Variants in TSHZ1 observed in about 807,000 individuals in gnomAD.
The protein encoded by TSHZ1 is teashirt homolog 1.
A neutral mutation model predicts 67.1 loss-of-function variants in TSHZ1; 12 were observed. The ratio of observed to expected loss-of-function variants is 0.18; its 90% CI spans 0.11 to 0.29. TSHZ1 has a LOEUF of 0.29. Ranked by LOEUF, TSHZ1 falls within the 10% of genes least tolerant of loss-of-function variation. TSHZ1 has a pLI of 1.00. For synonymous variants in TSHZ1, 632 were observed against 622.4 expected, an observed-to-expected ratio of 1.02 and a Z score of -0.23; for missense variants, 1,305 against 1,413.9, an observed-to-expected ratio of 0.92 and a Z score of 1.23.
chr18:75,229,840 A>G (rs2022974764), intron 1 of TSHZ1, among the ~76,000 whole-genome samples: 1 of 152,254 alleles, frequency 6.6e-6, no homozygotes, highest in African/African-American at 2.4e-5. Flanking sequence ...TGTAACAAGA[A>G]AAGGGGGCAA....
Position 75,251,493 on chromosome 18 carries a change from G to T in TSHZ1, c.41-33955G>T, listed in dbSNP as rs1429384945. ...ACATTTTCATTATTCTTTCTTTAGG[G>T]TTTTTTTTTTTTTTTGACATTGCTT... On this transcript the variant is annotated intron_variant, in intron 1 of 1. Transcript: ENST00000580243. Among the ~76,000 whole-genome samples, 6 of 139,430 alleles carry T rather than the reference G, an allele frequency of 4.3e-5. No homozygotes were observed. In the East Asian group the frequency reaches 6.2e-4, roughly 14 times the overall value. The allele number at this position is 139,430 out of a possible 152,430, so 91.5% of individuals were successfully genotyped here. A position where few individuals can be genotyped will look rare whatever the true frequency, so the allele number is the denominator to read the frequency against.
At chr18:75,254,874 C>T (rs1449221950) in intron 1 of TSHZ1, among the ~76,000 whole-genome samples, 1 of 152,076 alleles carries the variant, frequency 6.6e-6, no homozygotes, top group African/African-American at 2.4e-5. Context: ...TAGATTTTTC[C>T]AGTGCTTAAA....
chr18:75,288,804 G>A lies in TSHZ1; in HGVS notation c.*163G>A, dbSNP rs773392129. ...TTGTATATTTATATGCTCTCTGTCC[G>A]ATCTGTGCATGTTATTTTTCTTTTT... On this transcript the variant is annotated 3_prime_UTR_variant, in exon 2 of 2. Coordinates refer to ENST00000580243, the MANE Select transcript of TSHZ1 (RefSeq NM_001308210.2). This position sits in a 1 kb window ranked among gnomAD's most constrained non-coding sequence, Gnocchi z 4.9. The A allele has an allele frequency of 3.6e-5, 42 of 1,174,712 alleles. No homozygotes were observed. Among genetic ancestry groups the A allele is most frequent in the Admixed American group, 1.4e-4 (4 of 29,566 alleles). The allele number at this position is 1,174,712 out of a possible 1,614,324, so 72.8% of individuals were successfully genotyped here. A position where few individuals can be genotyped will look rare whatever the true frequency, so the allele number is the denominator to read the frequency against.
intron 1 of TSHZ1, among the ~76,000 whole-genome samples, chr18:75,221,611 A>T: frequency 6.6e-6 from 1 of 152,332 alleles, no homozygotes; most frequent in South Asian, 2.1e-4. Context: ...GATTTAAAGC[A>T]CAAGTATTGT....
At chr18:75,275,839 A>C (rs1227382532) in intron 1 of TSHZ1, among the ~76,000 whole-genome samples, 1 of 152,090 alleles carries the variant, frequency 6.6e-6, no homozygotes, top group Non-Finnish European at 1.5e-5. Context: ...GTTAACATGC[A>C]CTCCAGTAGT....
intron 1 of TSHZ1, among the ~76,000 whole-genome samples, chr18:75,257,991 C>T (rs923326893): frequency 1.3e-5 from 2 of 152,246 alleles, no homozygotes; most frequent in Non-Finnish European, 1.5e-5. Flanking sequence ...GGACTCCTAG[C>T]AGAGCGGGAA....
intron 1 of TSHZ1, among the ~76,000 whole-genome samples, chr18:75,237,219 T>C (rs774241093): frequency 6.6e-6 from 1 of 152,164 alleles, no homozygotes; most frequent in Non-Finnish European, 1.5e-5. Flanking sequence ...TCATGTTCCA[T>C]GTATGAAATA....
rs764709337 is a variant in TSHZ1 at position 75,287,583 on chromosome 18, G to A, written c.2176G>A (p.Gly726Ser). 1.2e-5 allele frequency: 19 copies of A among 1,614,038 alleles called. No individual in the cohort carries two copies. Among genetic ancestry groups the A allele is most frequent in the African/African-American group, 2.7e-5 (2 of 74,930 alleles). ...TEPLKAKVTNGCNNLGIIMDH... is the reference protein window; with the variant it reads ...TEPLKAKVTNSCNNLGIIMDH... ...GCCTCTCAAAGCAAAGGTCACCAAC[G>A]GCTGTAACAACCTGGGGATCATCAT... is the stretch of plus-strand genomic sequence containing the variant. Residue 726 changes from glycine to serine, a missense_variant, in exon 2 of 2, where the codon GGC becomes AGC. This residue lies in a region of TSHZ1 where 909 missense variants were observed against 961.8 expected (regional missense o/e 0.95). Coordinates refer to ENST00000580243, the MANE Select transcript of TSHZ1 (RefSeq NM_001308210.2). This position sits in a 1 kb window ranked among gnomAD's most constrained non-coding sequence, Gnocchi z 5.0.
intron 1 of TSHZ1, among the ~76,000 whole-genome samples, chr18:75,273,045 G>A (rs1221484262): frequency 6.6e-6 from 1 of 152,198 alleles, no homozygotes; most frequent in Admixed American, 6.5e-5. Context: ...GTACAGGGAT[G>A]TTCCATAGTG....
chr18:75,280,753 C>T, intron 1 of TSHZ1: 1 of 985,448 alleles, frequency 1.0e-6, no homozygotes, highest in Non-Finnish European at 1.2e-6. Context: ...CCCAGAGGCG[C>T]AGGAGCCTGT....
chr18:75,271,128 C>T (rs1599051091), intron 1 of TSHZ1, among the ~76,000 whole-genome samples: 1 of 152,314 alleles, frequency 6.6e-6, no homozygotes, highest in East Asian at 1.9e-4. Context: ...CACTTATAGT[C>T]TGTGTCTAGA....
chr18:75,287,245 C>T lies in TSHZ1; in HGVS notation c.1838C>T (p.Ser613Phe), dbSNP rs975396803. ...PSYAGGVKSLSSAEHNALLHS... is the reference protein window; with the variant it reads ...PSYAGGVKSLFSAEHNALLHS... ...TATGCTGGCGGCGTGAAGTCGCTGT[C>T]TTCCGCCGAGCACAACGCCCTCCTG... The change falls in exon 2 of 2, where the codon TCT (serine) becomes TTT (phenylalanine). Residue 613 changes from serine to phenylalanine, a missense_variant. Coordinates refer to ENST00000580243, the MANE Select transcript of TSHZ1 (RefSeq NM_001308210.2). The surrounding 1 kb of genome is among the most constrained non-coding windows in gnomAD (Gnocchi z 5.0). 1 of 1,613,886 alleles carries T rather than the reference C, an allele frequency of 6.2e-7. No individual in the cohort carries two copies. Among genetic ancestry groups the T allele is most frequent in the African/African-American group, 1.3e-5 (1 of 74,930 alleles).
chr18:75,230,127 T>C (rs1192155855), intron 1 of TSHZ1, among the ~76,000 whole-genome samples: 1 of 152,208 alleles, frequency 6.6e-6, no homozygotes, highest in Non-Finnish European at 1.5e-5. Context: ...TTTATCAAAT[T>C]CATATGAATC....
At chr18:75,218,383 G>T (rs2022800497) in intron 1 of TSHZ1, among the ~76,000 whole-genome samples, 1 of 152,162 alleles carries the variant, frequency 6.6e-6, no homozygotes, top group African/African-American at 2.4e-5. Flanking sequence ...ATGAGTGTTG[G>T]TGTGCTAATC....
At chr18:75,221,815 G>A (rs1388450695) in intron 1 of TSHZ1, among the ~76,000 whole-genome samples, 1 of 152,170 alleles carries the variant, frequency 6.6e-6, no homozygotes, top group East Asian at 1.9e-4. Flanking sequence ...ATCGAGAAAA[G>A]CCAAATCCGG....
At chr18:75,270,833 A>C (rs1483337383) in intron 1 of TSHZ1, among the ~76,000 whole-genome samples, 1 of 151,886 alleles carries the variant, frequency 6.6e-6, no homozygotes, top group African/African-American at 2.4e-5. Context: ...TTTTTTTCTG[A>C]ATCTTTTCTT....
chr18:75,239,954 T>C (rs1303096075), intron 1 of TSHZ1, among the ~76,000 whole-genome samples: 13 of 152,246 alleles, frequency 8.5e-5, no homozygotes, highest in Non-Finnish European at 4.4e-5. Flanking sequence ...TCTTGATGTT[T>C]CTAACATGTG....
At chr18:75,229,665 T>A (rs769091564) in intron 1 of TSHZ1, among the ~76,000 whole-genome samples, 22 of 152,352 alleles carry the variant, frequency 1.4e-4, no homozygotes, top group Non-Finnish European at 2.9e-4. Flanking sequence ...ACATGCGGTC[T>A]ATGACGTGCC....
chr18:75,222,609 T>TGGGAG (rs2022861992), intron 1 of TSHZ1, among the ~76,000 whole-genome samples: 1 of 152,138 alleles, frequency 6.6e-6, no homozygotes, highest in Admixed American at 6.5e-5. Context: ...CCTGAGATCA[T>TGGGAG]GGGAGGGGGT....
Sources: gnomAD v4.1 joint callset for allele counts (sites outside exome capture counted in the v4.1 genomes callset) on GRCh38, gnomAD v4.1.1 for gene constraint, gnomAD v4.1.1 regional missense constraint, Gnocchi (gnomAD v3.1) non-coding constraint, MANE v1.5 for transcripts, NCBI Gene and HGNC (gene_info 2026-07-23, HGNC 2026-07-21) for gene names.